The following CACUL1 variants were observed in gnomAD, a reference collection of about 807,000 sequenced individuals.
The protein encoded by CACUL1 is CDK2-associated and cullin domain-containing protein 1.
CACUL1 carries 13 observed loss-of-function variants against 45.2 expected under a neutral mutation model. That is an observed-to-expected ratio of 0.29 (90% confidence interval 0.19 to 0.46). The LOEUF (loss-of-function observed/expected upper bound fraction) is 0.46, where lower values mean the gene tolerates loss of function less well. Ranked by LOEUF, CACUL1 falls within the 20% of genes least tolerant of loss-of-function variation. CACUL1 has a pLI of 1.00. For synonymous variants in CACUL1, 197 were observed against 174.2 expected, an observed-to-expected ratio of 1.13 and a Z score of -1.03; for missense variants, 421 against 471.4, an observed-to-expected ratio of 0.89 and a Z score of 0.99.
chr10:118,690,818 G>A (rs555650193), intron 7 of CACUL1, among the ~76,000 whole-genome samples: 23 of 152,346 alleles, frequency 1.5e-4, no homozygotes, highest in Admixed American at 1.0e-3. Flanking sequence ...GGCCTAGGCA[G>A]GCGGATCACT....
chr10:118,678,867 T>C lies in CACUL1; in HGVS notation c.*7261A>G, dbSNP rs1307345639. The C allele has an allele frequency of 6.6e-6, 1 of 152,210 alleles. No individual in the cohort carries two copies. The highest frequency in any genetic ancestry group is 1.5e-5 in the Non-Finnish European group (1 of 68,036). The allele number at this position is 152,210 out of a possible 1,614,324, so 9.4% of individuals were successfully genotyped here. A position where few individuals can be genotyped will look rare whatever the true frequency, so the allele number is the denominator to read the frequency against. ...TATGTATCTGTCAGATCAAATTGAT[T>C]AGCTGTACTATTTAAATCTTCTATG... On this transcript the variant is annotated 3_prime_UTR_variant, in exon 9 of 9. Transcript: ENST00000369151.
chr10:118,705,118 A>T (rs1845421177), intron 4 of CACUL1, among the ~76,000 whole-genome samples: 2 of 151,424 alleles, frequency 1.3e-5, no homozygotes, highest in Admixed American at 1.3e-4. Flanking sequence ...TTTACTGGTT[A>T]TTTTTTTTTA....
intron 1 of CACUL1, among the ~76,000 whole-genome samples, chr10:118,743,920 T>A (rs935613828): frequency 1.7e-4 from 26 of 151,878 alleles, no homozygotes; most frequent in African/African-American, 6.3e-4. Context: ...AACTACATTA[T>A]AAGAAATATT....
intron 1 of CACUL1, among the ~76,000 whole-genome samples, chr10:118,733,829 T>C (rs1845719071): frequency 6.9e-6 from 1 of 144,452 alleles, no homozygotes; most frequent in Admixed American, 7.3e-5. Context: ...CTGGGAAACA[T>C]GGTAAGACCT....
At chr10:118,750,284 C>T (rs993894375) in intron 1 of CACUL1, among the ~76,000 whole-genome samples, 5 of 151,962 alleles carry the variant, frequency 3.3e-5, no homozygotes, top group African/African-American at 9.7e-5. Flanking sequence ...TAAGACTGCA[C>T]CACGGCACTC....
chr10:118,707,620 G>T, intron 3 of CACUL1, 33 bp from the exon 4 acceptor site: 1 of 989,676 alleles, frequency 1.0e-6, no homozygotes. Context: ...GATCAATCTG[G>T]GAAACCAGGG....
At chr10:118,702,364 A>C (rs1429807710) in intron 4 of CACUL1, among the ~76,000 whole-genome samples, 1 of 152,200 alleles carries the variant, frequency 6.6e-6, no homozygotes, top group Admixed American at 6.5e-5. Flanking sequence ...GAACAGGATA[A>C]AACCGATGTT....
At chr10:118,727,228 C>T (rs1382297248) in intron 3 of CACUL1, among the ~76,000 whole-genome samples, 1 of 151,466 alleles carries the variant, frequency 6.6e-6, no homozygotes, top group Non-Finnish European at 1.5e-5. Flanking sequence ...ATCTCTAAAG[C>T]AAAAAACATA....
At position 118,684,339 on chromosome 10, in the gene CACUL1, A is replaced by C. The variant is rs1845184185; in HGVS notation, c.*1789T>G. On this transcript the variant is annotated 3_prime_UTR_variant, in exon 9 of 9. Coordinates refer to ENST00000369151, the MANE Select transcript of CACUL1 (RefSeq NM_153810.5). ...AGGTGTGATTGGTAAGCCTGAAGCA[A>C]GCATTCCATTGAGAAAAGTAAAATG... The C allele has an allele frequency of 6.6e-6, 1 of 152,436 alleles. No individual in the cohort carries two copies. Among genetic ancestry groups the C allele is most frequent in the African/African-American group, 2.4e-5 (1 of 41,456 alleles). The allele number at this position is 152,436 out of a possible 1,614,324, so 9.4% of individuals were successfully genotyped here. A position where few individuals can be genotyped will look rare whatever the true frequency, so the allele number is the denominator to read the frequency against.
chr10:118,714,632 G>A (rs756175806), intron 3 of CACUL1, among the ~76,000 whole-genome samples: 19 of 152,104 alleles, frequency 1.2e-4, no homozygotes, highest in Non-Finnish European at 1.6e-4. Context: ...TGAAAATACC[G>A]TTCTATGCAG....
chr10:118,734,079 C>A (rs1263032463), intron 1 of CACUL1, among the ~76,000 whole-genome samples: 1 of 152,148 alleles, frequency 6.6e-6, no homozygotes, highest in Non-Finnish European at 1.5e-5. Flanking sequence ...AGCTGATTTA[C>A]TACTTTAAAA....
chr10:118,734,345 C>G (rs1214275888), intron 1 of CACUL1, among the ~76,000 whole-genome samples: 5 of 152,102 alleles, frequency 3.3e-5, no homozygotes, highest in Non-Finnish European at 5.9e-5. Context: ...ATACAGACTT[C>G]CAATGAGGTA....
At chr10:118,704,040 A>C (rs1845409575) in intron 4 of CACUL1, among the ~76,000 whole-genome samples, 1 of 151,896 alleles carries the variant, frequency 6.6e-6, no homozygotes, top group African/African-American at 2.4e-5. Context: ...TCATAGTCTG[A>C]TATTTTCTTC....
chr10:118,685,943 CGT>C lies in CACUL1; in HGVS notation c.*183_*184del. 5.0e-6 allele frequency: 2 copies of C among 403,266 alleles called. No individual in the cohort carries two copies. The highest frequency in any genetic ancestry group is 3.6e-5 in the East Asian group (1 of 27,852). 25.0% of individuals were successfully genotyped at this position (403,266 alleles called of 1,614,324 possible). ...AAATCACCCCCAAGTCTAGCAGCAA[CGT>C]TTTTTTTTTTTTTAGTTTTTGTTTT... On this transcript the variant is annotated 3_prime_UTR_variant, in exon 9 of 9. Transcript: ENST00000369151.
intron 1 of CACUL1, among the ~76,000 whole-genome samples, chr10:118,746,793 CA>C (rs1446701336): frequency 6.6e-6 from 1 of 152,102 alleles, no homozygotes; most frequent in Non-Finnish European, 1.5e-5. Context: ...TTATCACAAA[CA>C]AAATTATAAG....
chr10:118,721,538 A>G (rs555852029), intron 3 of CACUL1, among the ~76,000 whole-genome samples: 1 of 152,288 alleles, frequency 6.6e-6, no homozygotes, highest in South Asian at 2.1e-4. Context: ...CTGTAAATTC[A>G]GCCTTATTTG....
At chr10:118,717,438 C>CTA (rs1208339198) in intron 3 of CACUL1, among the ~76,000 whole-genome samples, 1 of 152,204 alleles carries the variant, frequency 6.6e-6, no homozygotes, top group Non-Finnish European at 1.5e-5. Flanking sequence ...AGTTCCCCCT[C>CTA]AGCTTAGAAT....
intron 1 of CACUL1, among the ~76,000 whole-genome samples, chr10:118,731,334 G>C (rs562586954): frequency 2.0e-5 from 3 of 152,306 alleles, no homozygotes; most frequent in African/African-American, 7.2e-5. Flanking sequence ...GCTCATTACT[G>C]TCAGAGATAC....
At chr10:118,729,229 G>C in intron 3 of CACUL1, 66 bp downstream of exon 3, 2 of 1,009,386 alleles carry the variant, frequency 2.0e-6, no homozygotes, top group Non-Finnish European at 3.1e-6. Flanking sequence ...ATGTGTATTA[G>C]AAAAGCTAAC....
Sources: allele counts gnomAD v4.1 joint callset (sites outside exome capture counted in the v4.1 genomes callset), GRCh38; gene constraint gnomAD v4.1.1; transcripts MANE v1.5; gene names NCBI Gene and HGNC (gene_info 2026-07-23, HGNC 2026-07-21).